Variants in USH1C observed in about 807,000 individuals in gnomAD.
The protein encoded by USH1C is harmonin.
Under a neutral mutation model 119.3 loss-of-function variants are expected in USH1C, and 90 were observed. The ratio of observed to expected loss-of-function variants is 0.75; its 90% CI spans 0.64 to 0.90. USH1C has a LOEUF of 0.90. Ranked by LOEUF, USH1C falls within the 40% of genes least tolerant of loss-of-function variation. The pLI is 0.00. For synonymous variants in USH1C, 465 were observed against 443.3 expected, an observed-to-expected ratio of 1.05 and a Z score of -0.62; for missense variants, 1,165 against 1,167.7, an observed-to-expected ratio of 1.00 and a Z score of 0.03.
In USH1C at chr11:17,509,427, C is replaced by T. The variant is rs368729447; in HGVS notation, c.1942G>A (p.Glu648Lys). 4 of 1,608,526 alleles carry T rather than the reference C, an allele frequency of 2.5e-6. No homozygotes were observed. The highest frequency in any genetic ancestry group is 3.4e-6 in the Non-Finnish European group (4 of 1,176,188). ...GGCTTCCCACTGTGGTTCTTTGCCT[C>T]CCAGTCCTCCACTGGATTGCCTGTG... ...GDTGNPVEDW[E>K]AKNHSGKPTN... Residue 648 changes from glutamate (E) to lysine (K), a missense_variant, in exon 18 of 27, where the codon GAG becomes AAG. Physicochemically the swap from Glu to Lys is moderately conservative, Grantham distance 56. Coordinates refer to ENST00000005226, the MANE Select transcript of USH1C (RefSeq NM_153676.4).
chr11:17,531,671 G>A lies in USH1C; in HGVS notation c.105-129C>T. ...GAATGGAGTAGACCACTCCTGAAAAGCCCAGAGCTCTTCACACCGGGCCAG... is the reference window on the plus strand; with the variant it reads ...GAATGGAGTAGACCACTCCTGAAAAACCCAGAGCTCTTCACACCGGGCCAG... On this transcript the variant is annotated intron_variant, in intron 2 of 26. Coordinates refer to ENST00000005226, the MANE Select transcript of USH1C (RefSeq NM_153676.4). This position sits in a 1 kb window ranked among gnomAD's most constrained non-coding sequence, Gnocchi z 4.2. 1 of 1,239,126 alleles carries A rather than the reference G, an allele frequency of 8.1e-7. No homozygotes were observed. Among genetic ancestry groups the A allele is most frequent in the Non-Finnish European group, 1.1e-6 (1 of 881,632 alleles). 76.8% of individuals were successfully genotyped at this position (1,239,126 alleles called of 1,614,324 possible). A position where few individuals can be genotyped will look rare whatever the true frequency, so the allele number is the denominator to read the frequency against.
chr11:17,501,936 T>C lies in USH1C; in HGVS notation c.2226+3A>G, dbSNP rs747724292. 7 of 1,613,604 alleles carry C rather than the reference T, an allele frequency of 4.3e-6. No individual in the cohort carries two copies. In the Admixed American group the frequency reaches 1.2e-4, roughly 27 times the overall value. ...TGTCCAGGAGAGAAGCGTCATCTCTTACCATAGAGTAGGGGTCAAAGCCTT... is the reference window on the plus strand; with the variant it reads ...TGTCCAGGAGAGAAGCGTCATCTCTCACCATAGAGTAGGGGTCAAAGCCTT... On this transcript the variant is annotated splice_donor_region_variant and intron_variant, in intron 21 of 26. Transcript: ENST00000005226.
At position 17,498,179 on chromosome 11, in the gene USH1C, C is replaced by G; in HGVS notation, c.2473G>C (p.Ala825Pro). The G allele has an allele frequency of 1.2e-6, 2 of 1,614,142 alleles. No individual in the cohort carries two copies. Among genetic ancestry groups the G allele is most frequent in the Non-Finnish European group, 1.7e-6 (2 of 1,179,996 alleles). ...LAEAEAALQK[A>P]WNQGGDWIDL... ...ATTCTTACCCCGCCCTGATTCCAGG[C>G]CTTCTGCAGGGCAGCCTCAGCCTCA... Residue 825 changes from alanine to proline, a missense_variant, in exon 24 of 27, where the codon GCC (alanine) becomes CCC (proline). By Grantham distance (27) the Ala-to-Pro change is conservative. Transcript: ENST00000005226.
chr11:17,527,956 A>G (rs540581312), intron 4 of USH1C, among the ~76,000 whole-genome samples: 1 of 152,330 alleles, frequency 6.6e-6, no homozygotes, highest in African/African-American at 2.4e-5. Flanking sequence ...CAAGCAAAGA[A>G]CAGTGAACGA....
At chr11:17,501,433 C>T (rs1849440439) in intron 22 of USH1C, 49 bp downstream of exon 22, 1 of 1,593,482 alleles carries the variant, frequency 6.3e-7, no homozygotes, top group South Asian at 1.1e-5. Flanking sequence ...GGAGGAGGGG[C>T]AGGCACAGAG....
At chr11:17,502,395 G>T (rs1399320608) in intron 20 of USH1C, among the ~76,000 whole-genome samples, 1 of 152,224 alleles carries the variant, frequency 6.6e-6, no homozygotes, top group Non-Finnish European at 1.5e-5. Context: ...GAAGCCCAAG[G>T]TGTCTCCACC....
At chr11:17,537,375 C>T (rs1211205841) in intron 1 of USH1C, among the ~76,000 whole-genome samples, 1 of 152,178 alleles carries the variant, frequency 6.6e-6, no homozygotes, top group African/African-American at 2.4e-5. Context: ...CTCCTTTCTT[C>T]CCTTCCTTCC....
chr11:17,531,276 G>A lies in USH1C; in HGVS notation c.265C>T (p.Arg89Cys), dbSNP rs764346200. Residue 89 changes from arginine (R) to cysteine (C), a missense_variant, in exon 4 of 27, where the codon CGT (arginine) becomes TGT (cysteine). Coordinates refer to ENST00000005226, the MANE Select transcript of USH1C (RefSeq NM_153676.4). The surrounding 1 kb of genome is among the most constrained non-coding windows in gnomAD (Gnocchi z 4.2). ...PRRSRKLKEV[R>C]LDRLHPEGLG... ...CCTTCGGGGTGCAGACGGTCCAGAC[G>A]CACCTCCTTCAGCTTCCTGCCACAC... is the stretch of plus-strand genomic sequence containing the variant. 7 of 1,614,116 alleles carry A rather than the reference G, an allele frequency of 4.3e-6. No homozygotes were observed. In the East Asian group the frequency reaches 8.9e-5, roughly 21 times the overall value.
At chr11:17,532,241 C>G (rs980634436) in intron 2 of USH1C, among the ~76,000 whole-genome samples, 3 of 152,204 alleles carry the variant, frequency 2.0e-5, no homozygotes, top group Non-Finnish European at 2.9e-5. Flanking sequence ...TTGGCTGATG[C>G]TGATCCCTCA....
At chr11:17,495,192 C>G (rs1372110593) in intron 26 of USH1C, 1 of 316,436 alleles carries the variant, frequency 3.2e-6, no homozygotes, top group Admixed American at 4.1e-5. Context: ...AGCCAGGCTT[C>G]CTGTGGGCTC....
intron 2 of USH1C, among the ~76,000 whole-genome samples, chr11:17,532,143 G>A (rs766309590): frequency 1.4e-4 from 21 of 152,258 alleles, no homozygotes; most frequent in Non-Finnish European, 2.6e-4. Flanking sequence ...CCAGCCTTGT[G>A]GCTATTTATG....
At chr11:17,528,029 A>G (rs1850786366) in intron 4 of USH1C, among the ~76,000 whole-genome samples, 1 of 152,210 alleles carries the variant, frequency 6.6e-6, no homozygotes, top group African/African-American at 2.4e-5. Context: ...TATTAGCTAT[A>G]TGACCTTGAG....
At chr11:17,533,778 G>A (rs1260358260) in intron 1 of USH1C, 3 of 458,274 alleles carry the variant, frequency 6.5e-6, no homozygotes, top group Middle Eastern at 3.2e-4. Flanking sequence ...CACTCGCTTA[G>A]ATAGCACATG....
At chr11:17,539,079 G>T (rs1023937473) in intron 1 of USH1C, among the ~76,000 whole-genome samples, 3 of 152,178 alleles carry the variant, frequency 2.0e-5, no homozygotes, top group Admixed American at 6.5e-5. Flanking sequence ...CATTAGCAAT[G>T]GTGGTACCAG....
chr11:17,526,120 G>A (rs889336741), intron 8 of USH1C, among the ~76,000 whole-genome samples: 3 of 152,222 alleles, frequency 2.0e-5, no homozygotes, highest in Admixed American at 6.5e-5. Context: ...AGGATTGCTT[G>A]AGCTGGGGAG....
At chr11:17,534,701 C>A (rs1189228413) in intron 1 of USH1C, among the ~76,000 whole-genome samples, 5 of 152,060 alleles carry the variant, frequency 3.3e-5, no homozygotes, top group Non-Finnish European at 7.4e-5. Context: ...ATGGCAAAAC[C>A]CTGTCTCTAT....
chr11:17,496,670 G>A (rs1849258895), intron 25 of USH1C, 88 bp downstream of exon 25: 3 of 1,537,062 alleles, frequency 2.0e-6, no homozygotes, highest in South Asian at 2.3e-5. Context: ...TTCAGGCTGG[G>A]AGAAGGCTGG....
At chr11:17,497,334 AT>A (rs1372735260) in intron 24 of USH1C, among the ~76,000 whole-genome samples, 1 of 152,070 alleles carries the variant, frequency 6.6e-6, no homozygotes, top group Non-Finnish European at 1.5e-5. Flanking sequence ...CCTGAAAAGT[AT>A]TGGAAATATC....
chr11:17,541,647 G>A (rs988660303), intron 1 of USH1C, among the ~76,000 whole-genome samples: 3 of 152,242 alleles, frequency 2.0e-5, no homozygotes, highest in African/African-American at 4.8e-5. Context: ...ACCAAGCCCT[G>A]CTCCCCCACA....
Sources: allele counts gnomAD v4.1 joint callset (sites outside exome capture counted in the v4.1 genomes callset), GRCh38; gene constraint gnomAD v4.1.1; non-coding constraint Gnocchi (gnomAD v3.1); transcripts MANE v1.5; gene names NCBI Gene and HGNC (gene_info 2026-07-23, HGNC 2026-07-21).